Variants in WDR93 observed in about 807,000 individuals in gnomAD.
WDR93 encodes the protein WD repeat-containing protein 93.
Under a neutral mutation model 82.9 loss-of-function variants are expected in WDR93, and 73 were observed. The observed-to-expected ratio is 0.88, with a 90% CI of 0.73 to 1.07. WDR93 has a LOEUF of 1.07. WDR93 is among the 50% of genes least tolerant of loss of function. WDR93 has a pLI of 0.00. For missense variants in WDR93, 738 were observed against 826.0 expected (o/e 0.89, Z 1.31); for synonymous variants, 283 against 300.1 (o/e 0.94, Z 0.59).
rs1044650158 is a variant in WDR93, at chr15:89,702,945, C to T, written c.304-5C>T. 2 of 1,611,922 alleles carry T rather than the reference C, an allele frequency of 1.2e-6. No homozygotes were observed. The highest frequency in any genetic ancestry group is 2.2e-5 in the South Asian group (2 of 90,436). ...GAAAATAATATTTTTTCTTTGTTTT[C>T]CCAGCTCAACAAAATGCCAAATTGT... On this transcript the variant is annotated splice_region_variant and splice_polypyrimidine_tract_variant and intron_variant, in intron 2 of 16. Transcript: ENST00000268130.
At chr15:89,735,440 C>T (rs1163938615) in intron 13 of WDR93, 50 bp from the exon 14 acceptor site, 1 of 1,589,542 alleles carries the variant, frequency 6.3e-7, no homozygotes, top group East Asian at 2.2e-5. Context: ...GATATCAAAA[C>T]TTTTAAACTC....
chr15:89,716,116 A>G (rs1254063614), intron 6 of WDR93, among the ~76,000 whole-genome samples: 1 of 152,240 alleles, frequency 6.6e-6, no homozygotes, highest in African/African-American at 2.4e-5. Flanking sequence ...GTGGCTTTGA[A>G]TAAATGCCTT....
At chr15:89,700,621 G>A (rs1965414079) in intron 1 of WDR93, among the ~76,000 whole-genome samples, 2 of 146,650 alleles carry the variant, frequency 1.4e-5, no homozygotes, top group Admixed American at 1.4e-4. Context: ...AGAATGCAGT[G>A]GCACAATCTT....
At chr15:89,699,230 T>C (rs1290726575) in intron 1 of WDR93, among the ~76,000 whole-genome samples, 47 of 152,166 alleles carry the variant, frequency 3.1e-4, no homozygotes, top group Non-Finnish European at 1.2e-4. Context: ...CTTTCAATTT[T>C]TGTATGTCTA....
intron 1 of WDR93, among the ~76,000 whole-genome samples, chr15:89,691,820 A>G (rs973027864): frequency 1.3e-5 from 2 of 152,258 alleles, no homozygotes; most frequent in African/African-American, 2.4e-5. Context: ...TAAGAGTACA[A>G]ATGGAGTCCA....
intron 7 of WDR93, among the ~76,000 whole-genome samples, chr15:89,717,628 A>G (rs530981638): frequency 6.6e-6 from 1 of 152,292 alleles, no homozygotes; most frequent in African/African-American, 2.4e-5. Flanking sequence ...ATATTTTTGT[A>G]AAATTAGCAA....
In WDR93 at chr15:89,733,019, G is replaced by T. The variant is rs754814138; in HGVS notation, c.1344G>T (p.Gly448=). Residue 448 remains glycine (G), a synonymous_variant, in exon 13 of 17, where the codon GGG becomes GGT. Transcript: ENST00000268130. The part of the protein sequence containing the change: ...LWDLAKGFPL[G]VAALPQGCFC... ...TACTTTCTCTAGGATTCCCTCTTGG[G>T]GTCGCTGCTCTTCCTCAGGGATGTT... 21 of 1,614,054 alleles carry T rather than the reference G, an allele frequency of 1.3e-5. No individual in the cohort carries two copies. Among genetic ancestry groups the T allele is most frequent in the Non-Finnish European group, 1.8e-5 (21 of 1,180,020 alleles).
At chr15:89,712,394 ATCT>A (rs1345169686) in intron 5 of WDR93, among the ~76,000 whole-genome samples, 6 of 61,678 alleles carry the variant, frequency 9.7e-5, no homozygotes, top group African/African-American at 3.7e-4. Context: ...TTTTCCACTA[ATCT>A]TTTTTTTTTT....
intron 16 of WDR93, among the ~76,000 whole-genome samples, chr15:89,738,483 T>A (rs1295562506): frequency 6.6e-6 from 1 of 151,802 alleles, no homozygotes; most frequent in African/African-American, 2.4e-5. Flanking sequence ...AGAAATTAGC[T>A]GGGTGTGGTG....
intron 1 of WDR93, among the ~76,000 whole-genome samples, chr15:89,700,963 CAT>C (rs1287491369): frequency 3.1e-5 from 4 of 127,242 alleles, no homozygotes; most frequent in African/African-American, 1.3e-4. Context: ...TTGATGTATG[CAT>C]ATATATGTGT....
At chr15:89,738,626 CA>C (rs34617270) in intron 16 of WDR93, among the ~76,000 whole-genome samples, 26,765 of 81,430 alleles carry the variant, frequency 0.33, 1,979 homozygotes, top group South Asian at 0.4. Flanking sequence ...GACTCTGTCC[CA>C]AAAAAAAAAA....
chr15:89,742,474 TG>T (rs1967757812), intron 16 of WDR93, among the ~76,000 whole-genome samples: 1 of 152,166 alleles, frequency 6.6e-6, no homozygotes, highest in Non-Finnish European at 1.5e-5. Context: ...GGGTGAATCT[TG>T]GGCTTCTCTG....
chr15:89,700,977 TGTAC>T (rs945740466), intron 1 of WDR93, among the ~76,000 whole-genome samples: 2 of 97,896 alleles, frequency 2.0e-5, no homozygotes, highest in African/African-American at 9.8e-5. Context: ...TATATGTGTG[TGTAC>T]ACACACACAC....
intron 13 of WDR93, among the ~76,000 whole-genome samples, chr15:89,734,002 T>C (rs1012905606): frequency 3.3e-5 from 5 of 151,480 alleles, no homozygotes; most frequent in Non-Finnish European, 5.9e-5. Flanking sequence ...AATGTGTGTG[T>C]GTGTGTGTGT....
intron 14 of WDR93, among the ~76,000 whole-genome samples, chr15:89,737,351 G>A (rs1967283297): frequency 1.3e-5 from 2 of 152,338 alleles, no homozygotes; most frequent in East Asian, 1.9e-4. Context: ...GCATAGCCCT[G>A]GAGCAGACAG....
intron 4 of WDR93, among the ~76,000 whole-genome samples, chr15:89,709,942 C>T (rs1476934201): frequency 3.3e-5 from 5 of 152,202 alleles, no homozygotes; most frequent in South Asian, 2.1e-4. Flanking sequence ...GGGCGGATCA[C>T]GAGGTCAGTA....
intron 8 of WDR93, among the ~76,000 whole-genome samples, chr15:89,726,521 G>T (rs1048442455): frequency 1.3e-5 from 2 of 152,210 alleles, no homozygotes; most frequent in African/African-American, 4.8e-5. Flanking sequence ...AGGGACGCAG[G>T]TACCTTCCAA....
intron 16 of WDR93, among the ~76,000 whole-genome samples, chr15:89,741,015 C>T (rs1195902878): frequency 6.6e-6 from 1 of 151,960 alleles, no homozygotes; most frequent in Non-Finnish European, 1.5e-5. Flanking sequence ...TGGCAGGTGC[C>T]TATAATCCCA....
intron 8 of WDR93, among the ~76,000 whole-genome samples, chr15:89,723,358 C>T (rs1170113710): frequency 2.0e-5 from 3 of 151,830 alleles, no homozygotes; most frequent in Non-Finnish European, 4.4e-5. Context: ...AGGAGGATCA[C>T]TTGAGCCTAG....
Sources: gnomAD v4.1 joint callset for allele counts (sites outside exome capture counted in the v4.1 genomes callset) on GRCh38, gnomAD v4.1.1 for gene constraint, MANE v1.5 for transcripts, NCBI Gene and HGNC (gene_info 2026-07-23, HGNC 2026-07-21) for gene names.